Variants in C12orf42 observed in about 807,000 individuals in gnomAD.
C12orf42 encodes the protein uncharacterized protein C12orf42.
Under a neutral mutation model 21.6 loss-of-function variants are expected in C12orf42, and 25 were observed. That is an observed-to-expected ratio of 1.16 (90% CI 0.84 to 1.62). C12orf42 has a LOEUF of 1.62. C12orf42 is among the 40% of genes most tolerant of loss of function. The pLI is 0.00. For missense variants in C12orf42, 483 were observed against 459.3 expected, an observed-to-expected ratio of 1.05 and a Z score of -0.47; for synonymous variants, 174 against 175.0, an observed-to-expected ratio of 0.99 and a Z score of 0.05.
chr12:103,079,950 G>T, the C12orf42 span, among the ~76,000 whole-genome samples: 1 of 152,300 alleles, frequency 6.6e-6, no homozygotes, highest in Admixed American at 6.5e-5. Flanking sequence ...TAAGAATATA[G>T]TCTATTCCAT....
the C12orf42 span, among the ~76,000 whole-genome samples, chr12:103,553,372 C>T: frequency 4.6e-5 from 7 of 152,200 alleles, no homozygotes; most frequent in Admixed American, 3.9e-4. Context: ...TATCCGTCCT[C>T]CCCTGGAGAT....
downstream of C12orf42, among the ~76,000 whole-genome samples, chr12:103,235,403 C>T (rs2033437357): frequency 6.6e-6 from 1 of 152,112 alleles, no homozygotes; most frequent in Non-Finnish European, 1.5e-5. Flanking sequence ...TTAAAATTTT[C>T]TTATTCCACA....
the C12orf42 span, among the ~76,000 whole-genome samples, chr12:103,051,289 G>C: frequency 1.3e-5 from 2 of 152,184 alleles, no homozygotes; most frequent in Non-Finnish European, 2.9e-5. Context: ...GCATTTCTTA[G>C]AAGCACAAGC....
At chr12:103,325,069 G>C (rs1412886841) in intron 4 of C12orf42, among the ~76,000 whole-genome samples, 1 of 152,200 alleles carries the variant, frequency 6.6e-6, no homozygotes, top group African/African-American at 2.4e-5. Flanking sequence ...AAACAAAACA[G>C]TTGGCGCCTG....
chr12:103,268,322 A>AGACT (rs1417317810), downstream of C12orf42: 1 of 152,092 alleles, frequency 6.6e-6, no homozygotes, highest in Non-Finnish European at 1.5e-5. Flanking sequence ...GTATATTCAG[A>AGACT]GACTGGCACC....
intron 2 of C12orf42, among the ~76,000 whole-genome samples, chr12:103,451,415 C>T (rs930660060): frequency 3.3e-5 from 5 of 151,716 alleles, no homozygotes; most frequent in Non-Finnish European, 5.9e-5. Context: ...GGTCTGTCTA[C>T]GTTCCCAAGG....
chr12:103,207,207 C>A, the C12orf42 span, among the ~76,000 whole-genome samples: 10 of 152,240 alleles, frequency 6.6e-5, no homozygotes, highest in East Asian at 1.7e-3. Flanking sequence ...GCACAGCTGA[C>A]CCAGATAGAA....
the C12orf42 span, among the ~76,000 whole-genome samples, chr12:103,561,100 C>T: frequency 0.16 from 24,212 of 152,044 alleles, 2,547 homozygotes; most frequent in Non-Finnish European, 0.22. Context: ...ATCCTCTCTC[C>T]CCCAGGGTGA....
chr12:103,330,973 A>G (rs769012962), intron 4 of C12orf42, among the ~76,000 whole-genome samples: 11 of 152,256 alleles, frequency 7.2e-5, no homozygotes, highest in Admixed American at 7.2e-4. Flanking sequence ...GGAGCCTAGA[A>G]TGATATTTAA....
intron 2 of C12orf42, among the ~76,000 whole-genome samples, chr12:103,425,547 G>A (rs1222339043): frequency 6.6e-6 from 1 of 152,218 alleles, no homozygotes; most frequent in Non-Finnish European, 1.5e-5. Context: ...GGCAAACAGG[G>A]TCTGGAGTGG....
the C12orf42 span, among the ~76,000 whole-genome samples, chr12:103,082,585 T>C: frequency 6.6e-6 from 1 of 152,238 alleles, no homozygotes; most frequent in Non-Finnish European, 1.5e-5. Flanking sequence ...AAAAGACTAG[T>C]TCTAATGTAA....
the C12orf42 span, among the ~76,000 whole-genome samples, chr12:103,229,354 C>T: frequency 2.0e-5 from 3 of 152,126 alleles, no homozygotes; most frequent in Non-Finnish European, 2.9e-5. Flanking sequence ...AGAGTATGAC[C>T]AATGCTCTGG....
At chr12:103,409,700 T>C (rs571048569) in intron 2 of C12orf42, among the ~76,000 whole-genome samples, 1 of 152,192 alleles carries the variant, frequency 6.6e-6, no homozygotes, top group Non-Finnish European at 1.5e-5. Flanking sequence ...TTAAGATGAG[T>C]ATGCAGATAA....
the C12orf42 span, among the ~76,000 whole-genome samples, chr12:103,519,919 T>G: frequency 4.0e-5 from 6 of 151,896 alleles, no homozygotes; most frequent in Admixed American, 3.9e-4. Context: ...GAGAGCAAGT[T>G]TACAGAAAGA....
chr12:103,173,930 A>G, the C12orf42 span, among the ~76,000 whole-genome samples: 1 of 152,162 alleles, frequency 6.6e-6, no homozygotes, highest in Admixed American at 6.6e-5. Context: ...AGGACATCTT[A>G]TCTGCATTCC....
At chr12:103,381,455 T>C (rs755687013) in intron 3 of C12orf42, among the ~76,000 whole-genome samples, 26 of 152,090 alleles carry the variant, frequency 1.7e-4, no homozygotes, top group Middle Eastern at 3.2e-3. Context: ...TGAGGTTTAT[T>C]TGAGGGAGGG....
At chr12:103,114,639 C>T in the C12orf42 span, among the ~76,000 whole-genome samples, 2 of 152,132 alleles carry the variant, frequency 1.3e-5, no homozygotes, top group African/African-American at 2.4e-5. Flanking sequence ...TATATTTGTC[C>T]CCTTGCATGA....
the C12orf42 span, among the ~76,000 whole-genome samples, chr12:103,537,316 G>A: frequency 2.7e-5 from 4 of 147,778 alleles, no homozygotes; most frequent in South Asian, 2.3e-4. Flanking sequence ...GATAGTTTGC[G>A]TTCTTAAGGT....
the C12orf42 span, among the ~76,000 whole-genome samples, chr12:103,062,306 T>A: frequency 0.33 from 49,853 of 151,514 alleles, 9,065 homozygotes; most frequent in East Asian, 0.51. Flanking sequence ...AGGACTTGAT[T>A]AGCATTTTTA....
Sources: gnomAD v4.1 joint callset for allele counts (sites outside exome capture counted in the v4.1 genomes callset) on GRCh38, gnomAD v4.1.1 for gene constraint, MANE v1.5 for transcripts, NCBI Gene and HGNC (gene_info 2026-07-23, HGNC 2026-07-21) for gene names.